The following TBC1D19 variants were observed in gnomAD, a reference collection of about 807,000 sequenced individuals.
TBC1D19 encodes TBC1 domain family, member 19.
A neutral mutation model predicts 89.0 loss-of-function variants in TBC1D19; 60 were observed. The ratio of observed to expected loss-of-function variants is 0.67; its 90% CI spans 0.55 to 0.84. TBC1D19 has a LOEUF of 0.84. Ranked by LOEUF, TBC1D19 falls within the 40% of genes least tolerant of loss-of-function variation. TBC1D19 has a pLI of 0.00. For missense variants in TBC1D19, 500 were observed against 610.8 expected (o/e 0.82, Z 1.91); for synonymous variants, 189 against 199.7 (o/e 0.95, Z 0.45).
At chr4:26,771,341 T>C in the TBC1D19 span, among the ~76,000 whole-genome samples, 1 of 152,158 alleles carries the variant, frequency 6.6e-6, no homozygotes, top group South Asian at 2.1e-4. Context: ...CTTCTGGATA[T>C]TTATCCAAAA....
At chr4:26,681,786 T>C (rs1713369120) in intron 11 of TBC1D19, among the ~76,000 whole-genome samples, 1 of 152,202 alleles carries the variant, frequency 6.6e-6, no homozygotes, top group African/African-American at 2.4e-5. Flanking sequence ...AAATGTGTAT[T>C]GTTTAACAAG....
intron 13 of TBC1D19, among the ~76,000 whole-genome samples, chr4:26,700,048 GA>G (rs960782185): frequency 3.2e-4 from 47 of 148,460 alleles, no homozygotes; most frequent in African/African-American, 1.0e-3. Flanking sequence ...GTAAGAAAAA[GA>G]AAAAAAAAGA....
intron 2 of TBC1D19, among the ~76,000 whole-genome samples, chr4:26,613,958 A>T (rs1218407990): frequency 6.6e-6 from 1 of 152,162 alleles, no homozygotes; most frequent in African/African-American, 2.4e-5. Context: ...ACTATTGGTA[A>T]CTCACAATAA....
At chr4:26,584,647 C>A (rs968276637) in intron 1 of TBC1D19, among the ~76,000 whole-genome samples, 4 of 152,134 alleles carry the variant, frequency 2.6e-5, no homozygotes, top group African/African-American at 9.7e-5. Context: ...GCTGGACTCA[C>A]TGAAGGTAGC....
At chr4:26,585,495 T>A (rs1391350964) in intron 1 of TBC1D19, among the ~76,000 whole-genome samples, 1 of 152,146 alleles carries the variant, frequency 6.6e-6, no homozygotes, top group African/African-American at 2.4e-5. Context: ...AATAGTGTTG[T>A]CTTCTTATTG....
intron 4 of TBC1D19, among the ~76,000 whole-genome samples, chr4:26,629,864 A>C (rs1384092354): frequency 1.3e-5 from 2 of 151,864 alleles, no homozygotes; most frequent in Non-Finnish European, 2.9e-5. Flanking sequence ...TTTATGTCTC[A>C]ATTACACACA....
intron 5 of TBC1D19, among the ~76,000 whole-genome samples, chr4:26,638,081 AACATTT>A (rs1743243259): frequency 6.6e-6 from 1 of 152,144 alleles, no homozygotes; most frequent in Admixed American, 6.5e-5. Flanking sequence ...TCTAATACTC[AACATTT>A]ATGTTACTCT....
At chr4:26,741,487 A>G (rs1168194512) in intron 17 of TBC1D19, among the ~76,000 whole-genome samples, 1 of 151,972 alleles carries the variant, frequency 6.6e-6, no homozygotes. Context: ...CTGGCTGCAT[A>G]GCACACACCC....
chr4:26,788,635 A>G, the TBC1D19 span, among the ~76,000 whole-genome samples: 1 of 152,142 alleles, frequency 6.6e-6, no homozygotes, highest in Non-Finnish European at 1.5e-5. Context: ...GAGAACCTAC[A>G]ATAAGCAATC....
At chr4:26,793,914 C>G in the TBC1D19 span, among the ~76,000 whole-genome samples, 134 of 152,220 alleles carry the variant, frequency 8.8e-4, no homozygotes, top group Middle Eastern at 3.4e-3. Flanking sequence ...ATAGTTCTAG[C>G]AAATGCTGGG....
chr4:26,743,595 T>C (rs961158848), intron 18 of TBC1D19, among the ~76,000 whole-genome samples: 3 of 152,056 alleles, frequency 2.0e-5, no homozygotes, highest in African/African-American at 7.2e-5. Context: ...TAGAGATAGG[T>C]AGATATATAA....
At chr4:26,598,090 T>C (rs549888916) in intron 1 of TBC1D19, among the ~76,000 whole-genome samples, 5 of 152,334 alleles carry the variant, frequency 3.3e-5, no homozygotes, top group East Asian at 3.9e-4. Flanking sequence ...TTTATCATAT[T>C]GCAGCATTAA....
At chr4:26,592,832 TAAAAG>T (rs1283601920) in intron 1 of TBC1D19, among the ~76,000 whole-genome samples, 1 of 151,962 alleles carries the variant, frequency 6.6e-6, no homozygotes, top group Non-Finnish European at 1.5e-5. Context: ...CTCAATGAAA[TAAAAG>T]AGGATACAAA....
At chr4:26,600,845 A>G (rs914428715) in intron 1 of TBC1D19, among the ~76,000 whole-genome samples, 1 of 152,228 alleles carries the variant, frequency 6.6e-6, no homozygotes, top group African/African-American at 2.4e-5. Context: ...CCTGGCTACA[A>G]TGTGTGTCCA....
At chr4:26,842,825 T>C in the TBC1D19 span, among the ~76,000 whole-genome samples, 1 of 151,998 alleles carries the variant, frequency 6.6e-6, no homozygotes, top group African/African-American at 2.4e-5. Context: ...CATGTTTTCT[T>C]AATGAAATAT....
the TBC1D19 span, among the ~76,000 whole-genome samples, chr4:26,794,954 G>A: frequency 6.6e-6 from 1 of 152,188 alleles, no homozygotes; most frequent in Non-Finnish European, 1.5e-5. Flanking sequence ...TTGGGCTCCT[G>A]ACCGGTCTCC....
chr4:26,701,696 T>C (rs1715347763), intron 13 of TBC1D19, among the ~76,000 whole-genome samples: 2 of 152,196 alleles, frequency 1.3e-5, no homozygotes, highest in African/African-American at 4.8e-5. Context: ...ATGAATCCTT[T>C]TTTATGAACT....
the TBC1D19 span, among the ~76,000 whole-genome samples, chr4:26,820,598 A>G: frequency 1.3e-5 from 2 of 152,190 alleles, no homozygotes; most frequent in African/African-American, 4.8e-5. Flanking sequence ...TTATCCATTG[A>G]TGGGCACTGA....
chr4:26,589,447 C>G (rs1423304949), intron 1 of TBC1D19, among the ~76,000 whole-genome samples: 1 of 152,138 alleles, frequency 6.6e-6, no homozygotes, highest in African/African-American at 2.4e-5. Context: ...TCTTTGTGCT[C>G]TTGTCCCCAG....
Sources: gnomAD v4.1 joint callset for allele counts (sites outside exome capture counted in the v4.1 genomes callset) on GRCh38, gnomAD v4.1.1 for gene constraint, MANE v1.5 for transcripts, NCBI Gene and HGNC (gene_info 2026-07-23, HGNC 2026-07-21) for gene names.